EXOC6B: variants seen among roughly 807,000 people sequenced by gnomAD.
EXOC6B encodes SEC15 homolog B.
EXOC6B carries 54 observed loss-of-function variants against 113.5 expected under a neutral mutation model. The ratio of observed to expected loss-of-function variants is 0.48; its 90% confidence interval spans 0.38 to 0.60. EXOC6B has a LOEUF of 0.60. Ranked by LOEUF, EXOC6B falls within the 20% of genes least tolerant of loss-of-function variation. The pLI is 0.00. For synonymous variants in EXOC6B, 357 were observed against 339.0 expected (o/e 1.05, Z -0.58); for missense variants, 797 against 977.5 (o/e 0.82, Z 2.46).
At chr2:72,725,477 G>A (rs930463367) in intron 5 of EXOC6B, among the ~76,000 whole-genome samples, 3 of 151,712 alleles carry the variant, frequency 2.0e-5, no homozygotes, top group African/African-American at 7.3e-5. Flanking sequence ...TGCAACCTCC[G>A]CCTCCCTGGT....
chr2:72,651,550 A>C (rs1336993287), intron 6 of EXOC6B, among the ~76,000 whole-genome samples: 1 of 152,224 alleles, frequency 6.6e-6, no homozygotes, highest in Non-Finnish European at 1.5e-5. Flanking sequence ...TTAAAACAGC[A>C]AAACTGCAAT....
intron 18 of EXOC6B, among the ~76,000 whole-genome samples, chr2:72,402,965 C>G (rs140823269): frequency 6.6e-6 from 1 of 151,884 alleles, no homozygotes; most frequent in African/African-American, 2.4e-5. Context: ...AAAACAAACC[C>G]AATAAAAATT....
rs923877882 is a variant in EXOC6B at position 72,508,184 on chromosome 2, A to AAAAAAAAAAAAAAAAAAAAAAAAAC, written c.1167+4947_1167+4948insGTTTTTTTTTTTTTTTTTTTTTTTT. Among the ~76,000 whole-genome samples the AAAAAAAAAAAAAAAAAAAAAAAAAC allele has an allele frequency of 1.2e-4, 11 of 89,112 alleles. 1 individual carries two copies. Among genetic ancestry groups the AAAAAAAAAAAAAAAAAAAAAAAAAC allele is most frequent in the African/African-American group, 6.0e-4 (9 of 14,984 alleles). The allele number at this position is 89,112 out of a possible 152,430, so 58.5% of individuals were successfully genotyped here. ...CCCGCAAAAAAAAAAAAAAAAAAAA[A>AAAAAAAAAAAAAAAAAAAAAAAAAC]ACACCTAAAAACAGTACTTTGATGG... On this transcript the variant is annotated intron_variant, in intron 11 of 21. Coordinates refer to ENST00000272427, the MANE Select transcript of EXOC6B (RefSeq NM_015189.3).
At chr2:72,357,830 A>G (rs66920016) in intron 19 of EXOC6B, among the ~76,000 whole-genome samples, 32,372 of 152,078 alleles carry the variant, frequency 0.21, 6,577 homozygotes, top group African/African-American at 0.54. Flanking sequence ...ACAACTGCCT[A>G]TGGTATCTAG....
At chr2:72,715,126 C>G (rs941864182) in intron 6 of EXOC6B, among the ~76,000 whole-genome samples, 1 of 151,960 alleles carries the variant, frequency 6.6e-6, no homozygotes, top group African/African-American at 2.4e-5. Flanking sequence ...ACTAGGGAGG[C>G]TGAGGCAGGA....
intron 20 of EXOC6B, among the ~76,000 whole-genome samples, chr2:72,331,854 G>A (rs1002917914): frequency 3.9e-5 from 6 of 152,166 alleles, no homozygotes; most frequent in African/African-American, 1.4e-4. Context: ...AGTGAGAATA[G>A]GACAAGTAAA....
intron 1 of EXOC6B, among the ~76,000 whole-genome samples, chr2:72,812,012 A>T (rs1258350306): frequency 6.6e-6 from 1 of 152,246 alleles, no homozygotes; most frequent in Non-Finnish European, 1.5e-5. Flanking sequence ...CACTTTTACC[A>T]GTCTTAGCAT....
At chr2:72,398,623 G>C (rs990005729) in intron 18 of EXOC6B, among the ~76,000 whole-genome samples, 3 of 151,630 alleles carry the variant, frequency 2.0e-5, no homozygotes, top group African/African-American at 7.3e-5. Context: ...CTTGAACCCA[G>C]GAGGCAGAGG....
At chr2:72,639,115 T>C (rs1170321442) in intron 6 of EXOC6B, among the ~76,000 whole-genome samples, 2 of 152,126 alleles carry the variant, frequency 1.3e-5, no homozygotes, top group African/African-American at 4.8e-5. Context: ...GCTCCCCACA[T>C]TGCTTTGCTG....
Position 72,256,213 on chromosome 2 carries a change from G to T in EXOC6B, c.2197-72026C>A, listed in dbSNP as rs536198178. Among the ~76,000 whole-genome samples the T allele has an allele frequency of 2.0e-5, 3 of 152,304 alleles. No individual in the cohort carries two copies. In the East Asian group the frequency reaches 5.8e-4, roughly 29 times the overall value. On this transcript the variant is annotated intron_variant, in intron 20 of 21. Coordinates refer to ENST00000272427, the MANE Select transcript of EXOC6B (RefSeq NM_015189.3). ...GGCAAGGAAGGATTCTCCCTTAGAGGATTTGGAGGGAGCACAGCCTTTCTG... is the reference window on the plus strand; with the variant it reads ...GGCAAGGAAGGATTCTCCCTTAGAGTATTTGGAGGGAGCACAGCCTTTCTG...
chr2:72,726,450 C>T (rs1001489408), intron 5 of EXOC6B, among the ~76,000 whole-genome samples: 2 of 152,086 alleles, frequency 1.3e-5, no homozygotes, highest in African/African-American at 4.8e-5. Flanking sequence ...AGCCAGCAGA[C>T]TGATCCAACA....
chr2:72,224,056 C>T (rs370463225), intron 20 of EXOC6B, among the ~76,000 whole-genome samples: 17 of 152,004 alleles, frequency 1.1e-4, no homozygotes, highest in Middle Eastern at 3.4e-3. Flanking sequence ...AGCACCTAAA[C>T]GAGGATTTTT....
intron 20 of EXOC6B, among the ~76,000 whole-genome samples, chr2:72,280,352 CT>C (rs796507558): frequency 2.7e-5 from 4 of 150,848 alleles, no homozygotes; most frequent in Non-Finnish European, 4.4e-5. Flanking sequence ...GCTCATAACC[CT>C]TTTTTTTTAG....
At chr2:72,354,926 T>A (rs1572959681) in intron 19 of EXOC6B, among the ~76,000 whole-genome samples, 1 of 152,218 alleles carries the variant, frequency 6.6e-6, no homozygotes, top group South Asian at 2.1e-4. Flanking sequence ...CCATTTTAGA[T>A]CTAAGGATCC....
At chr2:72,461,618 G>T (rs143140888) in intron 18 of EXOC6B, 1 of 151,588 alleles carries the variant, frequency 6.6e-6, no homozygotes, top group East Asian at 1.9e-4. Context: ...CCTACTCCTC[G>T]CTATACAAAA....
At chr2:72,400,884 A>G (rs1007139668) in intron 18 of EXOC6B, among the ~76,000 whole-genome samples, 1 of 152,032 alleles carries the variant, frequency 6.6e-6, no homozygotes, top group Non-Finnish European at 1.5e-5. Flanking sequence ...ACAGCATAAA[A>G]ATTTCTCAGA....
intron 20 of EXOC6B, among the ~76,000 whole-genome samples, chr2:72,291,865 G>A (rs550133150): frequency 1.1e-4 from 17 of 152,204 alleles, no homozygotes; most frequent in Non-Finnish European, 1.6e-4. Context: ...AAAATTTAAA[G>A]AAAAAGTTAA....
chr2:72,546,517 C>T (rs1447732008), intron 8 of EXOC6B, among the ~76,000 whole-genome samples: 1 of 152,122 alleles, frequency 6.6e-6, no homozygotes, highest in African/African-American at 2.4e-5. Context: ...TAATTATAGC[C>T]AAGTCCTCAA....
At chr2:72,180,711 C>G (rs921622697) in intron 21 of EXOC6B, among the ~76,000 whole-genome samples, 3 of 152,192 alleles carry the variant, frequency 2.0e-5, no homozygotes, top group South Asian at 2.1e-4. Context: ...TTTTCTCCCC[C>G]ACTGTGGGTG....
Sources: allele counts gnomAD v4.1 joint callset (sites outside exome capture counted in the v4.1 genomes callset), GRCh38; gene constraint gnomAD v4.1.1; transcripts MANE v1.5; gene names NCBI Gene and HGNC (gene_info 2026-07-23, HGNC 2026-07-21).